SPATA24: variants seen among roughly 807,000 people sequenced by gnomAD.
SPATA24 encodes the protein spermatogenesis associated 24, also known as spermatogenesis-associated protein 24.
In SPATA24, 21 loss-of-function variants were observed where a neutral mutation model predicts 28.9. The ratio of observed to expected loss-of-function variants is 0.73; its 90% CI spans 0.52 to 1.05. SPATA24 has a LOEUF of 1.05. Ranked by LOEUF, SPATA24 falls within the 50% of genes least tolerant of loss-of-function variation. The pLI is 0.00. For synonymous variants in SPATA24, 76 were observed against 89.9 expected (o/e 0.85, Z 0.88); for missense variants, 215 against 242.9 (o/e 0.88, Z 0.76).
At chr5:139,398,641 A>G (rs1205209741) in intron 4 of SPATA24, among the ~76,000 whole-genome samples, 1 of 152,120 alleles carries the variant, frequency 6.6e-6, no homozygotes, top group African/African-American at 2.4e-5. Flanking sequence ...GGCTGTAGGG[A>G]TCTGGGGGTG....
At chr5:139,400,905 C>T (rs1758808077) in intron 4 of SPATA24, among the ~76,000 whole-genome samples, 1 of 152,148 alleles carries the variant, frequency 6.6e-6, no homozygotes, top group Admixed American at 6.5e-5. Context: ...CGCCTATAAT[C>T]CCAGCACTTT....
intron 1 of SPATA24, among the ~76,000 whole-genome samples, chr5:139,403,165 A>G (rs1758859945): frequency 6.6e-6 from 1 of 152,210 alleles, no homozygotes; most frequent in Admixed American, 6.5e-5. Context: ...ATCAAAGGCA[A>G]TTCAGTGCCT....
At chr5:139,393,381 C>T (rs552624204), downstream of SPATA24, 311 of 1,551,618 alleles carry the variant, frequency 2.0e-4, 1 homozygote, top group South Asian at 2.9e-3. Flanking sequence ...AAATTTCCCG[C>T]GTGGATGGAC....
rs571368294 is a variant in SPATA24, at chr5:139,396,792, C to A, written c.*8G>T. On this transcript the variant is annotated 3_prime_UTR_variant, in exon 6 of 6. Coordinates refer to ENST00000450845, the MANE Select transcript of SPATA24 (RefSeq NM_194296.2). ...TTACAGCCAGAGAACAGGAAAGCGG[C>A]GGCCATTTTATTTTTCCCTGGGATG... 18 of 1,551,588 alleles carry A rather than the reference C, an allele frequency of 1.2e-5. No homozygotes were observed. Among genetic ancestry groups the A allele is most frequent in the South Asian group, 5.9e-5 (5 of 84,056 alleles).
downstream of SPATA24, chr5:139,396,363 G>A (rs1758705407): frequency 3.0e-6 from 3 of 985,416 alleles, no homozygotes; most frequent in Non-Finnish European, 3.6e-6. Flanking sequence ...CTCCCATTGT[G>A]AAGCTCCCGT....
At chr5:139,393,635 G>T (rs904131392), downstream of SPATA24, 11 of 1,550,820 alleles carry the variant, frequency 7.1e-6, no homozygotes, top group Non-Finnish European at 9.6e-6. Context: ...ACTGCCGAAT[G>T]TGGAATCTCC....
At chr5:139,392,674 G>T, downstream of SPATA24, 1 of 1,399,748 alleles carries the variant, frequency 7.1e-7, no homozygotes, top group Non-Finnish European at 9.3e-7. The surrounding 1 kb of genome is among the most constrained non-coding windows in gnomAD (Gnocchi z 5.8). Context: ...CATCTGAGGG[G>T]AGCCGGGGCG....
At chr5:139,394,448 G>A, downstream of SPATA24, 5 of 1,398,110 alleles carry the variant, frequency 3.6e-6, no homozygotes, top group South Asian at 8.0e-5. Flanking sequence ...CGGGGGCGCA[G>A]CTCGATCTGA....
At chr5:139,396,556 G>A, downstream of SPATA24, 1 of 1,328,058 alleles carries the variant, frequency 7.5e-7, no homozygotes, top group Non-Finnish European at 9.7e-7. Context: ...TGGGAGTGGG[G>A]TGGAATATTA....
At chr5:139,400,455 CG>C (rs1561992806) in intron 4 of SPATA24, among the ~76,000 whole-genome samples, 1 of 151,774 alleles carries the variant, frequency 6.6e-6, no homozygotes, top group Non-Finnish European at 1.5e-5. Context: ...TACAGGTGCC[CG>C]CCACTATGCC....
downstream of SPATA24, chr5:139,393,898 G>A (rs879164638): frequency 8.4e-6 from 13 of 1,551,044 alleles, no homozygotes; most frequent in South Asian, 1.2e-4. Context: ...CTGCCGTGGC[G>A]GGGACGGGCT....
At chr5:139,394,295 C>T (rs535682265), downstream of SPATA24, 15 of 1,519,464 alleles carry the variant, frequency 9.9e-6, no homozygotes, top group East Asian at 7.5e-5. Context: ...GGGGCCGGGG[C>T]CTCGGGGCTC....
intron 4 of SPATA24, among the ~76,000 whole-genome samples, chr5:139,401,041 T>C (rs1478134423): frequency 6.6e-6 from 1 of 152,038 alleles, no homozygotes; most frequent in East Asian, 1.9e-4. Flanking sequence ...CCTGTAATCC[T>C]AGCTACTCGG....
At chr5:139,400,399 T>C (rs1392152256) in intron 4 of SPATA24, among the ~76,000 whole-genome samples, 1 of 149,850 alleles carries the variant, frequency 6.7e-6, no homozygotes, top group Non-Finnish European at 1.5e-5. Flanking sequence ...CTCTGCCTCC[T>C]GGGTTCAAGC....
downstream of SPATA24, chr5:139,394,813 C>T (rs1202763213): frequency 6.5e-7 from 1 of 1,528,440 alleles, no homozygotes; most frequent in South Asian, 1.2e-5. Context: ...ACCTGGGCCT[C>T]GCGGGAAACC....
chr5:139,394,741 ATGACTTCCATCTCCCC>A (rs1758664462), downstream of SPATA24: 1 of 1,533,812 alleles, frequency 6.5e-7, no homozygotes, highest in African/African-American at 1.4e-5. Context: ...GACGCCGAAG[ATGACTTCCATCTCCCC>A]CGACGGCAGC....
chr5:139,401,592 G>T, intron 4 of SPATA24, 163 bp downstream of exon 4: 1 of 751,496 alleles, frequency 1.3e-6, no homozygotes, highest in Non-Finnish European at 2.3e-6. Context: ...TGGCCTGCCT[G>T]GTCCCTTAAG....
intron 4 of SPATA24, among the ~76,000 whole-genome samples, chr5:139,399,123 C>G (rs1257307861): frequency 1.3e-5 from 2 of 151,108 alleles, no homozygotes; most frequent in Admixed American, 6.6e-5. Flanking sequence ...GGAGACCATC[C>G]TGGCTAACAC....
intron 4 of SPATA24, among the ~76,000 whole-genome samples, chr5:139,398,414 A>AT (rs996604629): frequency 7.9e-5 from 12 of 151,096 alleles, no homozygotes; most frequent in African/African-American, 2.7e-4. Flanking sequence ...TAAAAAAAAA[A>AT]AAAACAAAAA....
Sources: allele counts gnomAD v4.1 joint callset (sites outside exome capture counted in the v4.1 genomes callset), GRCh38; gene constraint gnomAD v4.1.1; non-coding constraint Gnocchi (gnomAD v3.1); transcripts MANE v1.5; gene names NCBI Gene and HGNC (gene_info 2026-07-23, HGNC 2026-07-21).